The following MARCHF10 variants were observed in gnomAD, a reference collection of about 807,000 sequenced individuals.
The protein encoded by MARCHF10 is membrane associated ring-CH-type finger 10.
MARCHF10 carries 64 observed loss-of-function variants against 76.2 expected under a neutral mutation model. The observed-to-expected ratio is 0.84, with a 90% CI of 0.69 to 1.03. The LOEUF is 1.03. Among genes scored for constraint, MARCHF10 ranks in the 50% least tolerant of loss-of-function variants. MARCHF10 has a pLI of 0.00. For missense variants in MARCHF10, 875 were observed against 958.0 expected (o/e 0.91, Z 1.14); for synonymous variants, 340 against 357.5 (o/e 0.95, Z 0.55).
chr17:62,778,682 CAAAAAAAAA>C (rs71357038), intron 3 of MARCHF10, among the ~76,000 whole-genome samples: 1 of 100,828 alleles, frequency 9.9e-6, no homozygotes, highest in African/African-American at 3.6e-5. Context: ...GACTCTGTCT[CAAAAAAAAA>C]AAAAAAAAAA....
At chr17:62,800,723 AC>A (rs2093057213) in intron 2 of MARCHF10, among the ~76,000 whole-genome samples, 1 of 152,040 alleles carries the variant, frequency 6.6e-6, no homozygotes, top group African/African-American at 2.4e-5. Context: ...CTGAGGTCCC[AC>A]CTCTGGTGGG....
At chr17:62,767,952 G>A (rs886128005) in intron 3 of MARCHF10, among the ~76,000 whole-genome samples, 3 of 152,164 alleles carry the variant, frequency 2.0e-5, no homozygotes. Context: ...GAAGCAATGT[G>A]TGCAGCCTCC....
intron 10 of MARCHF10, among the ~76,000 whole-genome samples, chr17:62,702,007 C>T (rs560693689): frequency 5.9e-5 from 9 of 152,214 alleles, no homozygotes; most frequent in African/African-American, 2.2e-4. Flanking sequence ...GTCATCTCCA[C>T]GTCCCCACAT....
intron 2 of MARCHF10, among the ~76,000 whole-genome samples, chr17:62,798,712 G>A (rs768629823): frequency 1.1e-4 from 17 of 152,312 alleles, no homozygotes; most frequent in Non-Finnish European, 4.4e-5. Context: ...AGAAGCCAGC[G>A]CTGCAGCTAG....
At chr17:62,795,538 C>T (rs1363978238) in intron 2 of MARCHF10, among the ~76,000 whole-genome samples, 1 of 152,150 alleles carries the variant, frequency 6.6e-6, no homozygotes, top group Non-Finnish European at 1.5e-5. Flanking sequence ...CACCCAACCA[C>T]TGAAAGGAGT....
intron 6 of MARCHF10, among the ~76,000 whole-genome samples, chr17:62,731,664 C>T (rs568668552): frequency 6.6e-6 from 1 of 152,270 alleles, no homozygotes; most frequent in South Asian, 2.1e-4. Flanking sequence ...AGATCGCTAA[C>T]GTGTAGAACT....
chr17:62,723,877 T>C lies in MARCHF10; in HGVS notation c.2104+1061A>G, dbSNP rs937582159. Among the ~76,000 whole-genome samples the C allele has an allele frequency of 2.0e-5, 3 of 152,194 alleles. No individual in the cohort carries two copies. The East Asian group carries it at 5.8e-4, about 29-fold the overall frequency. Reference sequence around the variant, plus strand: ...TTAAGCATCTTGATCAGTGGACTTATATTTCTTATGCTAGGGAAGTTGCAT... The same window carrying C: ...TTAAGCATCTTGATCAGTGGACTTACATTTCTTATGCTAGGGAAGTTGCAT... On this transcript the variant is annotated intron_variant, in intron 7 of 10. Coordinates refer to ENST00000311269, the MANE Select transcript of MARCHF10 (RefSeq NM_152598.4).
At chr17:62,768,623 C>A (rs973168155) in intron 3 of MARCHF10, among the ~76,000 whole-genome samples, 3 of 152,152 alleles carry the variant, frequency 2.0e-5, no homozygotes. Context: ...TTCAAATCTA[C>A]GGAGAAATTG....
At chr17:62,759,607 T>C (rs1235963596) in intron 4 of MARCHF10, among the ~76,000 whole-genome samples, 1 of 151,880 alleles carries the variant, frequency 6.6e-6, no homozygotes, top group Non-Finnish European at 1.5e-5. Context: ...GCCTCCCGAG[T>C]AGCTGGGATT....
chr17:62,761,328 T>C (rs1389315132), intron 3 of MARCHF10, among the ~76,000 whole-genome samples: 1 of 152,254 alleles, frequency 6.6e-6, no homozygotes, highest in African/African-American at 2.4e-5. Context: ...AAACTGACTG[T>C]TCTCCCCTTT....
intron 5 of MARCHF10, among the ~76,000 whole-genome samples, chr17:62,739,951 T>C (rs186872258): frequency 2.6e-5 from 4 of 152,026 alleles, no homozygotes; most frequent in African/African-American, 9.7e-5. Flanking sequence ...GTATGCGCGG[T>C]GTTGCGGCTC....
intron 8 of MARCHF10, chr17:62,714,458 G>A (rs1331169232): frequency 3.1e-6 from 3 of 976,258 alleles, no homozygotes; most frequent in South Asian, 4.7e-5. Context: ...TTTAAAGACA[G>A]GATTCCAGGT....
At chr17:62,749,614 G>A (rs1467499705) in intron 4 of MARCHF10, among the ~76,000 whole-genome samples, 1 of 152,230 alleles carries the variant, frequency 6.6e-6, no homozygotes, top group Non-Finnish European at 1.5e-5. Flanking sequence ...GTTGTCTCAT[G>A]TACCCAGAGG....
intron 3 of MARCHF10, among the ~76,000 whole-genome samples, chr17:62,769,723 A>G (rs1456428348): frequency 6.6e-6 from 1 of 152,040 alleles, no homozygotes; most frequent in African/African-American, 2.4e-5. Context: ...CTAATTCCAC[A>G]TTCCTTTTAC....
chr17:62,777,374 G>A (rs1262819871), intron 3 of MARCHF10, among the ~76,000 whole-genome samples: 1 of 152,128 alleles, frequency 6.6e-6, no homozygotes, highest in Non-Finnish European at 1.5e-5. Flanking sequence ...ATGACCTAAC[G>A]ACCCAGAAGT....
chr17:62,762,174 T>C (rs1440706784), intron 3 of MARCHF10, among the ~76,000 whole-genome samples: 1 of 152,228 alleles, frequency 6.6e-6, no homozygotes, highest in South Asian at 2.1e-4. Flanking sequence ...TTGGTTGAGC[T>C]GTTAAGCCAC....
At chr17:62,792,249 G>GT (rs1435353800) in intron 2 of MARCHF10, among the ~76,000 whole-genome samples, 15 of 151,940 alleles carry the variant, frequency 9.9e-5, no homozygotes, top group Non-Finnish European at 2.1e-4. Flanking sequence ...GATGACGTGG[G>GT]TTTTGTGACT....
At chr17:62,760,796 T>C (rs938968177) in intron 3 of MARCHF10, among the ~76,000 whole-genome samples, 2 of 152,240 alleles carry the variant, frequency 1.3e-5, no homozygotes, top group Admixed American at 6.5e-5. Flanking sequence ...CTATCCATTC[T>C]GCAACAAATA....
chr17:62,735,683 T>C (rs1234540977), intron 6 of MARCHF10: 2 of 488,360 alleles, frequency 4.1e-6, no homozygotes, highest in Non-Finnish European at 7.1e-6. Flanking sequence ...CTTAAGGGTG[T>C]GGTATTCAAG....
Sources: allele counts gnomAD v4.1 joint callset (sites outside exome capture counted in the v4.1 genomes callset), GRCh38; gene constraint gnomAD v4.1.1; transcripts MANE v1.5; gene names NCBI Gene and HGNC (gene_info 2026-07-23, HGNC 2026-07-21).